LCLAT1: variants seen among roughly 807,000 people sequenced by gnomAD.
LCLAT1 encodes lysocardiolipin acyltransferase 1, also known as 1-AGP acyltransferase 8.
Under a neutral mutation model 30.7 loss-of-function variants are expected in LCLAT1, and 11 were observed. The observed-to-expected ratio is 0.36, with a 90% CI of 0.23 to 0.59. The LOEUF (loss-of-function observed/expected upper bound fraction) is 0.59, where lower values mean the gene tolerates loss of function less well. Ranked by LOEUF, LCLAT1 falls within the 20% of genes least tolerant of loss-of-function variation. The pLI is 0.77. For missense variants in LCLAT1, 402 were observed against 458.6 expected (o/e 0.88, Z 1.13); for synonymous variants, 155 against 151.3 (o/e 1.02, Z -0.18).
At chr2:30,551,722 C>G (rs537661861) in intron 3 of LCLAT1, among the ~76,000 whole-genome samples, 6 of 152,322 alleles carry the variant, frequency 3.9e-5, no homozygotes, top group Admixed American at 3.9e-4. Flanking sequence ...TGCCTACATT[C>G]CTTGGCTTGT....
At chr2:30,567,994 CTTCT>C in intron 4 of LCLAT1, 62 bp from the exon 5 acceptor site, 1 of 826,074 alleles carries the variant, frequency 1.2e-6, no homozygotes, top group Non-Finnish European at 1.9e-6. Flanking sequence ...AAATTCTGCA[CTTCT>C]TTCCTTACCT....
At chr2:30,584,946 C>T (rs1255796142) in intron 5 of LCLAT1, among the ~76,000 whole-genome samples, 5 of 107,268 alleles carry the variant, frequency 4.7e-5, no homozygotes, top group Admixed American at 9.5e-5. Flanking sequence ...TACTATATTT[C>T]AAAAAAAAAA....
intron 5 of LCLAT1, among the ~76,000 whole-genome samples, chr2:30,597,065 G>C (rs903843654): frequency 6.9e-6 from 1 of 145,162 alleles, no homozygotes; most frequent in Admixed American, 7.2e-5. Flanking sequence ...ATAGTTTGAA[G>C]TCAGGTAATG....
chr2:30,531,701 A>G (rs373064317), intron 2 of LCLAT1, among the ~76,000 whole-genome samples: 11 of 152,322 alleles, frequency 7.2e-5, no homozygotes, highest in African/African-American at 1.9e-4. Flanking sequence ...ATTTGGACAT[A>G]TAACTTTTCT....
Position 30,601,217 on chromosome 2 carries a change from A to G in LCLAT1, c.628+33041A>G, listed in dbSNP as rs544765071. Reference sequence around the variant, plus strand: ...TTATCATGGTTCTTAGCTTCTTTGCATTGGTTTAGAACGTACTCCTTTAAC... The same window carrying G: ...TTATCATGGTTCTTAGCTTCTTTGCGTTGGTTTAGAACGTACTCCTTTAAC... On this transcript the variant is annotated intron_variant, in intron 5 of 5. Coordinates refer to ENST00000379509, the MANE Select transcript of LCLAT1 (RefSeq NM_001002257.3). Among the ~76,000 whole-genome samples the G allele has an allele frequency of 4.6e-5, 7 of 152,258 alleles. 1 individual carries two copies. The highest frequency in any genetic ancestry group is 1.7e-4 in the African/African-American group (7 of 41,554).
rs572290363 is a variant in LCLAT1 at position 30,452,452 on chromosome 2, C to G, written c.-5+5069C>G. Reference sequence around the variant, plus strand: ...CAAAAGGCAAATGTGAAATTAAGGCCGTCACATCATGCTGTTTTACAATTT... The same window carrying G: ...CAAAAGGCAAATGTGAAATTAAGGCGGTCACATCATGCTGTTTTACAATTT... On this transcript the variant is annotated intron_variant, in intron 1 of 5. Coordinates refer to ENST00000379509, the MANE Select transcript of LCLAT1 (RefSeq NM_001002257.3). Among the ~76,000 whole-genome samples, 15 of 151,838 alleles carry G rather than the reference C, an allele frequency of 9.9e-5. No individual in the cohort carries two copies. The South Asian group carries it at 2.5e-3, about 25-fold the overall frequency.
At chr2:30,495,368 C>T (rs1021708885) in intron 1 of LCLAT1, among the ~76,000 whole-genome samples, 11 of 151,970 alleles carry the variant, frequency 7.2e-5, no homozygotes, top group Admixed American at 5.2e-4. Flanking sequence ...TCCAAAGCCC[C>T]CCTTTCATAA....
chr2:30,503,272 A>C (rs1172806000), intron 1 of LCLAT1, among the ~76,000 whole-genome samples: 2 of 152,188 alleles, frequency 1.3e-5, no homozygotes, highest in African/African-American at 4.8e-5. Flanking sequence ...TGTCTGGGCC[A>C]GATCCTGTTT....
intron 1 of LCLAT1, among the ~76,000 whole-genome samples, chr2:30,449,696 C>G (rs1034746483): frequency 1.3e-5 from 2 of 152,032 alleles, no homozygotes; most frequent in Non-Finnish European, 2.9e-5. Context: ...GACGGGGTTT[C>G]TCTGTGTTGG....
chr2:30,584,850 C>G (rs188955027), intron 5 of LCLAT1, among the ~76,000 whole-genome samples: 34 of 148,972 alleles, frequency 2.3e-4, no homozygotes, highest in Admixed American at 8.9e-4. Context: ...ATCTTTCCAA[C>G]AATGTTCCTT....
chr2:30,469,068 A>G (rs1405152886), intron 1 of LCLAT1, among the ~76,000 whole-genome samples: 2 of 152,198 alleles, frequency 1.3e-5, no homozygotes, highest in Non-Finnish European at 2.9e-5. Context: ...AGAAATATCT[A>G]TTCAAGTCCT....
chr2:30,576,263 G>C lies in LCLAT1; in HGVS notation c.628+8087G>C, dbSNP rs530451804. ...GTAAAATTTGTGGAATTGCCTTTGA[G>C]TGATGACTTTCGGTAGACTTTACAC... On this transcript the variant is annotated intron_variant, in intron 5 of 5. Transcript: ENST00000379509. Among the ~76,000 whole-genome samples the C allele has an allele frequency of 3.9e-5, 6 of 152,250 alleles. No homozygotes were observed. The East Asian group carries it at 1.2e-3, about 29-fold the overall frequency.
chr2:30,501,580 T>TG (rs1684393072), intron 1 of LCLAT1, among the ~76,000 whole-genome samples: 1 of 151,760 alleles, frequency 6.6e-6, no homozygotes, highest in Non-Finnish European at 1.5e-5. Flanking sequence ...GAGGCTCAGG[T>TG]GGGAGGATCA....
rs146423187 is a variant in LCLAT1 at position 30,615,863 on chromosome 2, T to C, written c.629-24254T>C. Among the ~76,000 whole-genome samples, 969 of 152,332 alleles carry C rather than the reference T, an allele frequency of 6.4e-3. 15 individuals are homozygous for C. The highest frequency in any genetic ancestry group is 0.022 in the African/African-American group (933 of 41,574). On this transcript the variant is annotated intron_variant, in intron 5 of 5. Coordinates refer to ENST00000379509, the MANE Select transcript of LCLAT1 (RefSeq NM_001002257.3). ...AATCAGATTACTTGCCGGTTACGTCTTCAGACTGATTGAATGATCAAGACT... is the reference window on the plus strand; with the variant it reads ...AATCAGATTACTTGCCGGTTACGTCCTCAGACTGATTGAATGATCAAGACT...
At chr2:30,508,005 C>T (rs932090555) in intron 1 of LCLAT1, among the ~76,000 whole-genome samples, 2 of 152,114 alleles carry the variant, frequency 1.3e-5, no homozygotes, top group Non-Finnish European at 2.9e-5. Context: ...GAAATGGTAT[C>T]TAATTGTGGT....
At chr2:30,463,073 T>A (rs1314182574) in intron 1 of LCLAT1, among the ~76,000 whole-genome samples, 3 of 152,052 alleles carry the variant, frequency 2.0e-5, no homozygotes, top group African/African-American at 7.2e-5. Flanking sequence ...AACACCAGTT[T>A]GGGCAACATA....
At chr2:30,610,785 T>C (rs1018105527) in intron 5 of LCLAT1, among the ~76,000 whole-genome samples, 2 of 152,192 alleles carry the variant, frequency 1.3e-5, no homozygotes, top group African/African-American at 4.8e-5. Context: ...TTTTCTGTTT[T>C]ACCAGAAGTT....
chr2:30,548,399 T>C (rs1205960278), intron 3 of LCLAT1, among the ~76,000 whole-genome samples: 2 of 152,050 alleles, frequency 1.3e-5, no homozygotes, highest in Non-Finnish European at 2.9e-5. Flanking sequence ...AATACATTGG[T>C]TTGGTTCAGA....
At chr2:30,550,983 A>G (rs1466799173) in intron 3 of LCLAT1, among the ~76,000 whole-genome samples, 2 of 151,618 alleles carry the variant, frequency 1.3e-5, no homozygotes, top group Non-Finnish European at 2.9e-5. Context: ...GGCCATTGGG[A>G]GTTTTCTTTT....
Sources: allele counts gnomAD v4.1 joint callset (sites outside exome capture counted in the v4.1 genomes callset), GRCh38; gene constraint gnomAD v4.1.1; transcripts MANE v1.5; gene names NCBI Gene and HGNC (gene_info 2026-07-23, HGNC 2026-07-21).